Variants in MTA3 observed in about 807,000 individuals in gnomAD.
The protein encoded by MTA3 is metastasis associated 1 family member 3, also known as metastasis-associated protein MTA3.
In MTA3, 34 loss-of-function variants were observed where a neutral mutation model predicts 83.5. The observed-to-expected ratio is 0.41, with a 90% CI of 0.31 to 0.54. MTA3 has a LOEUF of 0.54. Among genes scored for constraint, MTA3 ranks in the 20% least tolerant of loss-of-function variants. The pLI is 0.33. For synonymous variants in MTA3, 303 were observed against 252.7 expected (o/e 1.20, Z -1.89); for missense variants, 761 against 726.4 (o/e 1.05, Z -0.55).
intron 9 of MTA3, among the ~76,000 whole-genome samples, chr2:42,693,745 A>G (rs1225894007): frequency 6.6e-6 from 1 of 152,210 alleles, no homozygotes; most frequent in South Asian, 2.1e-4. Flanking sequence ...CCTCCACCCC[A>G]CTGTGGCTGA....
intron 2 of MTA3, among the ~76,000 whole-genome samples, chr2:42,577,894 A>T (rs558304425): frequency 1.3e-5 from 2 of 152,346 alleles, no homozygotes; most frequent in South Asian, 4.1e-4. Flanking sequence ...GAAGTCATTG[A>T]TAGATTTTAT....
intron 4 of MTA3, among the ~76,000 whole-genome samples, chr2:42,625,738 C>G (rs192237179): frequency 7.3e-6 from 1 of 137,440 alleles, no homozygotes; most frequent in East Asian, 2.1e-4. Context: ...CAGAGCGAGA[C>G]TCCATCTCAA....
intron 2 of MTA3, among the ~76,000 whole-genome samples, chr2:42,553,256 C>T (rs181651667): frequency 2.6e-5 from 4 of 151,616 alleles, no homozygotes; most frequent in African/African-American, 9.7e-5. Flanking sequence ...AAACCCGTCT[C>T]CACTAAAAAT....
At chr2:42,554,449 T>A (rs1677283558) in intron 2 of MTA3, among the ~76,000 whole-genome samples, 1 of 152,150 alleles carries the variant, frequency 6.6e-6, no homozygotes, top group African/African-American at 2.4e-5. Flanking sequence ...TAAATTCTGA[T>A]AAAAGTTAAT....
chr2:42,722,788 C>G (rs1298615450), intron 15 of MTA3, 101 bp from the exon 16 acceptor site: 25 of 1,364,430 alleles, frequency 1.8e-5, no homozygotes, highest in Non-Finnish European at 2.3e-5. Context: ...AACTGACTCT[C>G]AGCTCATTAA....
intron 12 of MTA3, among the ~76,000 whole-genome samples, chr2:42,707,656 A>G (rs1666222355): frequency 6.6e-6 from 1 of 152,186 alleles, no homozygotes; most frequent in African/African-American, 2.4e-5. Flanking sequence ...ACAATGCATA[A>G]TACAGGATGC....
chr2:42,567,130 G>GT (rs1343881995), upstream of MTA3, among the ~76,000 whole-genome samples: 34 of 152,264 alleles, frequency 2.2e-4, no homozygotes, highest in African/African-American at 7.5e-4. Context: ...GGAATCTGTG[G>GT]TTTTCTGGGG....
intron 14 of MTA3, among the ~76,000 whole-genome samples, chr2:42,709,862 G>T (rs959693525): frequency 6.6e-6 from 1 of 152,064 alleles, no homozygotes; most frequent in Non-Finnish European, 1.5e-5. Flanking sequence ...AACACATTTG[G>T]TCTTGCTTAT....
rs1319227908 is a variant in MTA3 at position 42,723,025 on chromosome 2, T to C, written c.1749T>C (p.Asn583=). The change falls in exon 16 of 17, where the codon AAT becomes AAC. Residue 583 remains asparagine, a synonymous_variant. Transcript: ENST00000405094. ...ILGKRNYSHH[N]GLDELTCCVS... ...GGAAAAGAAACTACAGTCATCACAA[T>C]GGTCTGGATGGTATGTAAGCCCAGG... 5 of 1,550,638 alleles carry C rather than the reference T, an allele frequency of 3.2e-6. No homozygotes were observed. Among genetic ancestry groups the C allele is most frequent in the East Asian group, 4.9e-5 (2 of 40,936 alleles).
At chr2:42,682,274 A>G (rs1692002990) in intron 8 of MTA3, 127 bp from the exon 9 acceptor site, 2 of 667,868 alleles carry the variant, frequency 3.0e-6, no homozygotes, top group South Asian at 6.9e-5. Context: ...TCTGTTTAAA[A>G]TTTTGTTAAA....
chr2:42,738,241 C>T (rs1377025915), intron 16 of MTA3, among the ~76,000 whole-genome samples: 4 of 152,084 alleles, frequency 2.6e-5, no homozygotes, highest in Non-Finnish European at 5.9e-5. Context: ...GGCTGGGCAA[C>T]AGAGTGTGTT....
At position 42,704,180 on chromosome 2, in the gene MTA3, A is replaced by C. The variant is rs1203310668; in HGVS notation, c.1026-14A>C. ...ACAAATCATTTTATCACCTTATTTT[A>C]ATTTCATTGAAAGCAGCAAACCAAA... On this transcript the variant is annotated splice_polypyrimidine_tract_variant and intron_variant, in intron 11 of 16. Coordinates refer to ENST00000405094, the MANE Select transcript of MTA3 (RefSeq NM_001330442.2). 8 of 1,612,534 alleles carry C rather than the reference A, an allele frequency of 5.0e-6. No individual in the cohort carries two copies. In the Admixed American group the frequency reaches 1.0e-4, roughly 20 times the overall value.
intron 2 of MTA3, among the ~76,000 whole-genome samples, chr2:42,531,234 A>C (rs1478888719): frequency 6.6e-6 from 1 of 152,158 alleles, no homozygotes; most frequent in East Asian, 1.9e-4. Flanking sequence ...CAGCCTCCAG[A>C]ACCCCACATA....
intron 6 of MTA3, among the ~76,000 whole-genome samples, chr2:42,652,462 C>T (rs537963860): frequency 5.3e-5 from 8 of 152,090 alleles, no homozygotes; most frequent in African/African-American, 1.4e-4. Flanking sequence ...GGAAATATAC[C>T]GAAGAAGTAT....
rs377131196 is a variant in MTA3, at chr2:42,741,660, T to C, written c.1760-11714T>C. ...GTCACTGGAGCAGTCAGAGGACACA[T>C]AGCATTTTTTTTATTAATTTTTTTT... On this transcript the variant is annotated intron_variant, in intron 16 of 16. Transcript: ENST00000405094. Among the ~76,000 whole-genome samples the C allele has an allele frequency of 1.2e-4, 19 of 152,220 alleles. No homozygotes were observed. In the East Asian group the frequency reaches 2.3e-3, roughly 19 times the overall value.
chr2:42,661,202 G>A (rs1327180274), intron 8 of MTA3, among the ~76,000 whole-genome samples: 1 of 152,142 alleles, frequency 6.6e-6, no homozygotes, highest in Non-Finnish European at 1.5e-5. Flanking sequence ...TATCAGAGAA[G>A]CAAGAGTACA....
At chr2:42,711,775 A>AGT (rs372997456) in intron 14 of MTA3, among the ~76,000 whole-genome samples, 3,781 of 139,404 alleles carry the variant, frequency 0.027, 58 homozygotes, top group Non-Finnish European at 0.034. Context: ...TGTATAGGAG[A>AGT]GAGAGAGAGT....
At chr2:42,512,775 A>T (rs1674962833) in intron 2 of MTA3, among the ~76,000 whole-genome samples, 1 of 152,200 alleles carries the variant, frequency 6.6e-6, no homozygotes, top group South Asian at 2.1e-4. Flanking sequence ...CTCAGTAACA[A>T]CAGATACTTA....
In MTA3 at chr2:42,656,292, G is replaced by A. The variant is rs1689164368; in HGVS notation, c.592G>A (p.Val198Ile). The change falls in exon 7 of 17, where the codon GTT becomes ATT. Residue 198 changes from valine to isoleucine, a missense_variant. Transcript: ENST00000405094. ...LTDRQIDQFL[V>I]VARAVGTFAR... ...GGATCGACAGATTGACCAGTTTTTA[G>A]TTGTAGCACGGTGAGTATGAGTATG... is the stretch of plus-strand genomic sequence containing the variant. The A allele has an allele frequency of 8.1e-6, 13 of 1,612,298 alleles. No homozygotes were observed. The highest frequency in any genetic ancestry group is 9.3e-6 in the Non-Finnish European group (11 of 1,178,518).
Sources: allele counts gnomAD v4.1 joint callset (sites outside exome capture counted in the v4.1 genomes callset), GRCh38; gene constraint gnomAD v4.1.1; transcripts MANE v1.5; gene names NCBI Gene and HGNC (gene_info 2026-07-23, HGNC 2026-07-21).